PCDHA9: variants seen among roughly 807,000 people sequenced by gnomAD.
PCDHA9 encodes protocadherin alpha-9.
A neutral mutation model predicts 62.0 loss-of-function variants in PCDHA9; 62 were observed. That is an observed-to-expected ratio of 1.00 (90% CI 0.81 to 1.23). PCDHA9 has a LOEUF of 1.23. PCDHA9 is among the 50% of genes most tolerant of loss of function. The pLI, the probability that PCDHA9 is intolerant of heterozygous loss-of-function variation, is 0.00. For synonymous variants in PCDHA9, 557 were observed against 567.6 expected (o/e 0.98, Z 0.27); for missense variants, 1,205 against 1,249.8 (o/e 0.96, Z 0.54).
rs181382577 is a variant in PCDHA9 at position 140,851,207 on chromosome 5, A to G, written c.2394+318A>G. 3,689 of 1,174,684 alleles carry G rather than the reference A, an allele frequency of 3.1e-3. 213 individuals carry two copies. The highest frequency in any genetic ancestry group is 3.6e-3 in the Non-Finnish European group (3,326 of 916,620). The allele number at this position is 1,174,684 out of a possible 1,614,324, so 72.8% of individuals were successfully genotyped here. On this transcript the variant is annotated intron_variant, in intron 1 of 3. Transcript: ENST00000532602. The stretch of plus-strand genomic sequence containing the variant: ...CCAATTTAGTTGTTAGTCATTCATT[A>G]AACATTAACATCACTATCATTTATT...
intron 3 of PCDHA9, among the ~76,000 whole-genome samples, chr5:141,008,176 C>T (rs2098363819): frequency 6.6e-6 from 1 of 152,032 alleles, no homozygotes; most frequent in East Asian, 1.9e-4. Context: ...AAAATGTGAC[C>T]ATTGATTGTG....
chr5:140,858,074 A>T (rs782716439), intron 1 of PCDHA9: 3 of 1,597,640 alleles, frequency 1.9e-6, no homozygotes, highest in Middle Eastern at 1.7e-4. Context: ...CCAGGCACCC[A>T]AGGCCTCGTC....
intron 3 of PCDHA9, among the ~76,000 whole-genome samples, chr5:140,991,228 TGCAGTGGTAAAG>T (rs1452293099): frequency 1.1e-4 from 16 of 152,220 alleles, no homozygotes; most frequent in Non-Finnish European, 2.4e-4. Flanking sequence ...CATTAATAAA[TGCAGTGGTAAAG>T]GCAGTATTTG....
chr5:141,007,395 CAAAAAAAAAAAAAAAA>C (rs35800918), intron 3 of PCDHA9, among the ~76,000 whole-genome samples: 1 of 94,866 alleles, frequency 1.1e-5, no homozygotes. Context: ...TACTAAAATA[CAAAAAAAAAAAAAAAA>C]AAAAAAATTA....
At chr5:140,852,795 A>C in intron 1 of PCDHA9, 1 of 977,366 alleles carries the variant, frequency 1.0e-6, no homozygotes, top group African/African-American at 1.8e-5. Context: ...GATGCTACAG[A>C]TGTCATTTGT....
chr5:140,996,198 G>T (rs2097716643), intron 3 of PCDHA9, among the ~76,000 whole-genome samples: 1 of 152,168 alleles, frequency 6.6e-6, no homozygotes, highest in Non-Finnish European at 1.5e-5. Context: ...TACCCTCAAT[G>T]CAAGGATATC....
At chr5:140,984,965 T>G (rs2097128606) in intron 3 of PCDHA9, among the ~76,000 whole-genome samples, 1 of 151,666 alleles carries the variant, frequency 6.6e-6, no homozygotes, top group Non-Finnish European at 1.5e-5. Context: ...TGAGACAGAG[T>G]CTCGCTCTGT....
intron 1 of PCDHA9, among the ~76,000 whole-genome samples, chr5:140,975,411 G>A (rs868983297): frequency 6.6e-6 from 1 of 152,236 alleles, no homozygotes; most frequent in African/African-American, 2.4e-5. Flanking sequence ...CAGTCTTGGA[G>A]ACTATTCAGG....
At chr5:140,857,404 T>G (rs150677637) in intron 1 of PCDHA9, 4 of 1,597,852 alleles carry the variant, frequency 2.5e-6, no homozygotes, top group African/African-American at 1.3e-5. Context: ...ACAACGCGCC[T>G]GCGTTCGCGC....
At chr5:140,886,554 A>G (rs2061020893) in intron 1 of PCDHA9, among the ~76,000 whole-genome samples, 1 of 152,078 alleles carries the variant, frequency 6.6e-6, no homozygotes, top group South Asian at 2.1e-4. Flanking sequence ...CCAGCTGGGC[A>G]CGGTGGCTCA....
chr5:140,869,819 A>G, intron 1 of PCDHA9: 1 of 1,612,282 alleles, frequency 6.2e-7, no homozygotes, highest in Non-Finnish European at 8.5e-7. Context: ...AACGACAATG[A>G]TCCAGAGTTT....
At chr5:140,945,349 T>G (rs578151486) in intron 1 of PCDHA9, among the ~76,000 whole-genome samples, 43 of 152,144 alleles carry the variant, frequency 2.8e-4, no homozygotes, top group Non-Finnish European at 4.9e-4. Context: ...TTGGAAAAAT[T>G]AATACTGTTT....
At position 140,877,725 on chromosome 5, in the gene PCDHA9, G is replaced by T. The variant is rs570815670; in HGVS notation, c.2394+26836G>T. On this transcript the variant is annotated intron_variant, in intron 1 of 3. Coordinates refer to ENST00000532602, the MANE Select transcript of PCDHA9 (RefSeq NM_031857.2). Reference sequence around the variant, plus strand: ...GCGCCGTGGGGAGTTGGTCTTACTCGCAGCAGAGGAGGCAGAGGGTGTGCT... The same window carrying T: ...GCGCCGTGGGGAGTTGGTCTTACTCTCAGCAGAGGAGGCAGAGGGTGTGCT... 5.6e-6 allele frequency: 9 copies of T among 1,614,124 alleles called. No individual in the cohort carries two copies. The South Asian group carries it at 8.8e-5, about 16-fold the overall frequency.
At chr5:140,985,936 T>C (rs1379150817) in intron 3 of PCDHA9, among the ~76,000 whole-genome samples, 3 of 152,038 alleles carry the variant, frequency 2.0e-5, no homozygotes, top group Non-Finnish European at 2.9e-5. Context: ...AGCCGGGGTT[T>C]CACTGTGTTA....
chr5:140,853,897 G>T lies in PCDHA9; in HGVS notation c.2394+3008G>T, dbSNP rs1222195078. Reference sequence around the variant, plus strand: ...AGTTTCTGTAATTTAAAAAGATGTGGTGGCCTGACACCTGCAATCCCAACA... The same window carrying T: ...AGTTTCTGTAATTTAAAAAGATGTGTTGGCCTGACACCTGCAATCCCAACA... On this transcript the variant is annotated intron_variant, in intron 1 of 3. Coordinates refer to ENST00000532602, the MANE Select transcript of PCDHA9 (RefSeq NM_031857.2). 24 of 967,496 alleles carry T rather than the reference G, an allele frequency of 2.5e-5. 1 individual carries two copies. In the African/African-American group the frequency reaches 4.3e-4, roughly 17 times the overall value. The allele number at this position is 967,496 out of a possible 1,614,324, so 59.9% of individuals were successfully genotyped here.
Position 140,851,168 on chromosome 5 carries a change from A to G in PCDHA9, c.2394+279A>G, listed in dbSNP as rs899165006. 39 of 1,280,680 alleles carry G rather than the reference A, an allele frequency of 3.0e-5. 2 individuals are homozygous for G. Among genetic ancestry groups the G allele is most frequent in the Admixed American group, 1.3e-4 (4 of 31,186 alleles). The allele number at this position is 1,280,680 out of a possible 1,614,324, so 79.3% of individuals were successfully genotyped here. On this transcript the variant is annotated intron_variant, in intron 1 of 3. Transcript: ENST00000532602. ...ATTGAATTTCTGATGCTATGCTGCC[A>G]TAACACTTGAAAACCAATTTAGTTG...
intron 1 of PCDHA9, among the ~76,000 whole-genome samples, chr5:140,975,052 T>C (rs2096651440): frequency 6.6e-6 from 1 of 152,206 alleles, no homozygotes; most frequent in South Asian, 2.1e-4. Context: ...AGGAAGAATC[T>C]ACTATCGAGC....
chr5:140,857,003 G>A (rs74982530), intron 1 of PCDHA9: 2 of 1,595,436 alleles, frequency 1.3e-6, no homozygotes, highest in Admixed American at 1.7e-5. Flanking sequence ...TGAAATTCAT[G>A]TAGATGTTAC....
In PCDHA9 at chr5:140,877,407, C is replaced by G. The variant is rs1554169686; in HGVS notation, c.2394+26518C>G. The G allele has an allele frequency of 1.2e-6, 2 of 1,613,824 alleles. No individual in the cohort carries two copies. The highest frequency in any genetic ancestry group is 2.7e-5 in the African/African-American group (2 of 74,928). On this transcript the variant is annotated intron_variant, in intron 1 of 3. Coordinates refer to ENST00000532602, the MANE Select transcript of PCDHA9 (RefSeq NM_031857.2). ...TGGATGAGGCGGACGCTCCGCGCCA[C>G]CGCCTGCTGGTGCTGGTGAAGGACC...
Sources: gnomAD v4.1 joint callset for allele counts (sites outside exome capture counted in the v4.1 genomes callset) on GRCh38, gnomAD v4.1.1 for gene constraint, MANE v1.5 for transcripts, NCBI Gene and HGNC (gene_info 2026-07-23, HGNC 2026-07-21) for gene names.